HACD4: variants seen among roughly 807,000 people sequenced by gnomAD.
The protein encoded by HACD4 is very-long-chain (3R)-3-hydroxyacyl-CoA dehydratase 4.
Under a neutral mutation model 33.3 loss-of-function variants are expected in HACD4, and 35 were observed. The ratio of observed to expected loss-of-function variants is 1.05; its 90% CI spans 0.80 to 1.39. The LOEUF is 1.39. HACD4 is among the 40% of genes most tolerant of loss of function. The pLI is 0.00. For synonymous variants in HACD4, 118 were observed against 98.0 expected (o/e 1.20, Z -1.21); for missense variants, 323 against 276.5 (o/e 1.17, Z -1.19).
chr9:21,022,984 A>G (rs1817961885), intron 3 of HACD4, among the ~76,000 whole-genome samples: 1 of 152,148 alleles, frequency 6.6e-6, no homozygotes, highest in African/African-American at 2.4e-5. Flanking sequence ...CCCATCAATG[A>G]TAGACTGGAT....
intron 1 of HACD4, among the ~76,000 whole-genome samples, chr9:21,030,735 C>A (rs986454321): frequency 6.6e-6 from 1 of 152,204 alleles, no homozygotes; most frequent in Non-Finnish European, 1.5e-5. Flanking sequence ...TCATCAGATA[C>A]ATATCGAAAG....
intron 3 of HACD4, among the ~76,000 whole-genome samples, chr9:21,026,241 G>T (rs1818057692): frequency 6.6e-6 from 1 of 152,170 alleles, no homozygotes; most frequent in Non-Finnish European, 1.5e-5. Context: ...TCCCATAGTG[G>T]TAAGCAGAAA....
At chr9:21,028,231 G>A (rs1818115998) in intron 2 of HACD4, among the ~76,000 whole-genome samples, 1 of 152,104 alleles carries the variant, frequency 6.6e-6, no homozygotes. Flanking sequence ...CTGGAAAGGT[G>A]AGACAGCATA....
intron 4 of HACD4, among the ~76,000 whole-genome samples, chr9:21,012,174 T>G (rs1483964472): frequency 6.6e-6 from 1 of 152,228 alleles, no homozygotes. Context: ...GGGAGCTGAT[T>G]TGGGTATAGT....
chr9:21,012,569 T>C (rs972244253), intron 4 of HACD4, among the ~76,000 whole-genome samples: 3 of 152,220 alleles, frequency 2.0e-5, no homozygotes, highest in Admixed American at 6.5e-5. Context: ...TGTCAGTTTC[T>C]TAGGTATTCT....
chr9:21,002,719 TACC>T lies in HACD4; in HGVS notation c.*4315_*4317del, dbSNP rs898761343. ...GAATAAGATAGTATATTTTACATTT[TACC>T]ACAATAAAAAAATTACTGAAAAAAG... On this transcript the variant is annotated 3_prime_UTR_variant, in exon 7 of 7. Transcript: ENST00000495827. 2 of 152,180 alleles carry T rather than the reference TACC, an allele frequency of 1.3e-5. No individual in the cohort carries two copies. The highest frequency in any genetic ancestry group is 4.8e-5 in the African/African-American group (2 of 41,452). The allele number at this position is 152,180 out of a possible 1,614,324, so 9.4% of individuals were successfully genotyped here. A position where few individuals can be genotyped will look rare whatever the true frequency, so the allele number is the denominator to read the frequency against.
chr9:21,029,984 G>T (rs1818166074), intron 1 of HACD4, among the ~76,000 whole-genome samples: 1 of 152,114 alleles, frequency 6.6e-6, no homozygotes, highest in Non-Finnish European at 1.5e-5. Context: ...CCATCACAAA[G>T]TTTAAAAAAT....
intron 3 of HACD4, 128 bp from the exon 4 acceptor site, chr9:21,016,138 A>C (rs1587831152): frequency 1.7e-6 from 1 of 574,536 alleles, no homozygotes; most frequent in African/African-American, 1.9e-5. Flanking sequence ...CTAAACTGTT[A>C]ACAATGCCTC....
At chr9:21,021,092 G>A (rs550743279) in intron 3 of HACD4, among the ~76,000 whole-genome samples, 1 of 152,158 alleles carries the variant, frequency 6.6e-6, no homozygotes, top group African/African-American at 2.4e-5. Flanking sequence ...ATCAATAAAC[G>A]TAATCCATCA....
chr9:21,016,008 G>C lies in HACD4; in HGVS notation c.273C>G (p.Leu91=), dbSNP rs568979987. The change falls in exon 4 of 7, where the codon CTC becomes CTG. Residue 91 remains leucine (L), a splice_region_variant and synonymous_variant. Transcript: ENST00000495827. ...CAAAAAGGATGATTATTCTTTCTGTGAGCTAACAAAGAAACAGCAAAGTCA... is the reference window on the plus strand; with the variant it reads ...CAAAAAGGATGATTATTCTTTCTGTCAGCTAACAAAGAAACAGCAAAGTCA... The part of the protein sequence containing the change: ...SNHLLPRFLQ[L]TERIIILFVV... 3 of 1,607,846 alleles carry C rather than the reference G, an allele frequency of 1.9e-6. No homozygotes were observed. The East Asian group carries it at 6.7e-5, about 36-fold the overall frequency.
At chr9:21,026,099 G>A (rs1221786359) in intron 3 of HACD4, among the ~76,000 whole-genome samples, 1 of 152,136 alleles carries the variant, frequency 6.6e-6, no homozygotes, top group African/African-American at 2.4e-5. Flanking sequence ...AATGGCCTAG[G>A]AGTACTCTAT....
chr9:21,015,912 T>C lies in HACD4; in HGVS notation c.369A>G (p.Leu123=), dbSNP rs1195580303. 3.7e-6 allele frequency: 6 copies of C among 1,610,262 alleles called. No homozygotes were observed. Among genetic ancestry groups the C allele is most frequent in the Non-Finnish European group, 4.2e-6 (5 of 1,176,698 alleles). ...VVCVLFVFWN[L]LDMVRYTYSM... Reference sequence around the variant, plus strand: ...TGCCTTCTTACCTAACCATATCCAATAGATTCCAAAAGACGAATAAAACAC... The same window carrying C: ...TGCCTTCTTACCTAACCATATCCAACAGATTCCAAAAGACGAATAAAACAC... Residue 123 remains leucine, a synonymous_variant, in exon 4 of 7, where the codon CTA becomes CTG. Coordinates refer to ENST00000495827, the MANE Select transcript of HACD4 (RefSeq NM_001010915.5).
chr9:21,023,126 A>C (rs199892611), intron 3 of HACD4, among the ~76,000 whole-genome samples: 1 of 151,112 alleles, frequency 6.6e-6, no homozygotes, highest in East Asian at 2.0e-4. Flanking sequence ...GGACAGAAAA[A>C]CAAACACCAC....
chr9:21,009,192 G>C (rs10811449), intron 5 of HACD4, among the ~76,000 whole-genome samples: 1 of 151,896 alleles, frequency 6.6e-6, no homozygotes, highest in Non-Finnish European at 1.5e-5. Flanking sequence ...ATTTAACTGC[G>C]CAGTTTTATA....
rs958012158 is a variant in HACD4 at position 21,016,015 on chromosome 9, CAAAG to C, written c.271-9_271-6del. 1.6e-5 allele frequency: 26 copies of C among 1,600,184 alleles called. No individual in the cohort carries two copies. The highest frequency in any genetic ancestry group is 2.7e-5 in the African/African-American group (2 of 74,552). On this transcript the variant is annotated splice_polypyrimidine_tract_variant and splice_region_variant and intron_variant, in intron 3 of 6. Transcript: ENST00000495827. Reference sequence around the variant, plus strand: ...GATGATTATTCTTTCTGTGAGCTAACAAAGAAACAGCAAAGTCAGAAATTAGGAC... The same window carrying C: ...GATGATTATTCTTTCTGTGAGCTAACAAACAGCAAAGTCAGAAATTAGGAC...
intron 5 of HACD4, 25 bp downstream of exon 5, chr9:21,011,564 A>G (rs754410240): frequency 7.2e-7 from 1 of 1,386,732 alleles, no homozygotes; most frequent in Non-Finnish European, 1.0e-6. Flanking sequence ...TCAGTAAGCA[A>G]TACAGCAAGT....
Position 21,012,288 on chromosome 9 carries a change from A to G in HACD4, c.384-593T>C, listed in dbSNP as rs574968881. Among the ~76,000 whole-genome samples, 4 of 152,282 alleles carry G rather than the reference A, an allele frequency of 2.6e-5. No individual in the cohort carries two copies. The South Asian group carries it at 8.3e-4, about 32-fold the overall frequency. On this transcript the variant is annotated intron_variant, in intron 4 of 6. Coordinates refer to ENST00000495827, the MANE Select transcript of HACD4 (RefSeq NM_001010915.5). ...TTAGGCTTGAGCATATATCAGAATC[A>G]CCTAGATGGCATGTTAAAACACAGA... is the stretch of plus-strand genomic sequence containing the variant.
intron 3 of HACD4, among the ~76,000 whole-genome samples, chr9:21,019,289 A>G (rs1817840411): frequency 6.6e-6 from 1 of 152,140 alleles, no homozygotes; most frequent in Non-Finnish European, 1.5e-5. Flanking sequence ...TCAAGAGCCA[A>G]AGAGCTTAAA....
At chr9:21,021,943 C>T (rs572966189) in intron 3 of HACD4, among the ~76,000 whole-genome samples, 4 of 152,164 alleles carry the variant, frequency 2.6e-5, no homozygotes, top group Admixed American at 2.6e-4. Flanking sequence ...GCCAAAAGAA[C>T]AAAGCTAGAG....
Sources: gnomAD v4.1 joint callset for allele counts (sites outside exome capture counted in the v4.1 genomes callset) on GRCh38, gnomAD v4.1.1 for gene constraint, MANE v1.5 for transcripts, NCBI Gene and HGNC (gene_info 2026-07-23, HGNC 2026-07-21) for gene names.